The following SLC52A3 variants were observed in gnomAD, a reference collection of about 807,000 sequenced individuals.
SLC52A3 encodes solute carrier family 52 member 3.
In SLC52A3, 20 loss-of-function variants were observed where a neutral mutation model predicts 29.5. The ratio of observed to expected loss-of-function variants is 0.68; its 90% CI spans 0.48 to 0.99. The LOEUF is 0.99. SLC52A3 is among the 50% of genes least tolerant of loss of function. The pLI, the probability that SLC52A3 is intolerant of heterozygous loss-of-function variation, is 0.00. For synonymous variants in SLC52A3, 301 were observed against 271.0 expected, an observed-to-expected ratio of 1.11 and a Z score of -1.09; for missense variants, 548 against 612.9, an observed-to-expected ratio of 0.89 and a Z score of 1.12.
chr20:771,033 T>C (rs79306991), upstream of SLC52A3, among the ~76,000 whole-genome samples: 5,220 of 152,326 alleles, frequency 0.034, 168 homozygotes, highest in East Asian at 0.17. Flanking sequence ...GTTTTGCCTG[T>C]GTTGAACTGT....
In SLC52A3 at chr20:761,092, G is replaced by C; in HGVS notation, c.1344C>G (p.Phe448Leu). 5 of 1,609,256 alleles carry C rather than the reference G, an allele frequency of 3.1e-6. No individual in the cohort carries two copies. Among genetic ancestry groups the C allele is most frequent in the Non-Finnish European group, 4.2e-6 (5 of 1,178,462 alleles). The change falls in exon 5 of 5, where the codon TTC (phenylalanine) becomes TTG (leucine). Residue 448 changes from phenylalanine (F) to leucine (L), a missense_variant. Transcript: ENST00000645534. ...AGAGCCGCAGCACGTTGACCAGAGG[G>C]AACATGAGCAGCGCTCCGAGCAGCG... Reference protein sequence around the residue: ...LGSLLGALLMFPLVNVLRLFS... With the variant: ...LGSLLGALLMLPLVNVLRLFS...
intron 4 of SLC52A3, 123 bp downstream of exon 4, chr20:761,578 G>T: frequency 6.8e-7 from 1 of 1,464,590 alleles, no homozygotes. Flanking sequence ...TCCCCCACCT[G>T]GGGCTTCCCG....
rs1480160275 is a variant in SLC52A3 at position 760,470 on chromosome 20, C to G, written c.*556G>C. ...AGGGGCAAAGGAGAGAGGGCAGGGG[C>G]GTGTCTCAACCCTTCTGGCCACTTC... is the stretch of plus-strand genomic sequence containing the variant. On this transcript the variant is annotated 3_prime_UTR_variant, in exon 5 of 5. Transcript: ENST00000645534. This position sits in a 1 kb window ranked among gnomAD's most constrained non-coding sequence, Gnocchi z 4.9. The G allele has an allele frequency of 6.5e-6, 1 of 153,988 alleles. No homozygotes were observed. Among genetic ancestry groups the G allele is most frequent in the Non-Finnish European group, 1.4e-5 (1 of 69,230 alleles). The allele number at this position is 153,988 out of a possible 1,614,324, so 9.5% of individuals were successfully genotyped here. A position where few individuals can be genotyped will look rare whatever the true frequency, so the allele number is the denominator to read the frequency against.
At chr20:777,275 A>ACAAAC (rs58819464), upstream of SLC52A3, among the ~76,000 whole-genome samples, 2 of 149,070 alleles carry the variant, frequency 1.3e-5, no homozygotes, top group African/African-American at 4.9e-5. Context: ...CAAAAAACAA[A>ACAAAC]AAAAAAACAC....
Position 765,926 on chromosome 20 carries a change from G to C in SLC52A3, c.-51-101C>G. The C allele has an allele frequency of 1.4e-6, 1 of 697,080 alleles. No homozygotes were observed. The highest frequency in any genetic ancestry group is 2.4e-6 in the Non-Finnish European group (1 of 412,894). The allele number at this position is 697,080 out of a possible 1,614,324, so 43.2% of individuals were successfully genotyped here. On this transcript the variant is annotated intron_variant, in intron 1 of 4. Coordinates refer to ENST00000645534, the MANE Select transcript of SLC52A3 (RefSeq NM_033409.4). This position sits in a 1 kb window ranked among gnomAD's most constrained non-coding sequence, Gnocchi z 6.6. ...TTTCTCTTATTACTCCCCTTCCTGT[G>C]AACAAGCTGGCTTTTTTTTTTTTCC...
chr20:766,027 C>G (rs530876034), intron 1 of SLC52A3: 2 of 524,556 alleles, frequency 3.8e-6, no homozygotes, highest in South Asian at 2.2e-5. Flanking sequence ...CCCTCTGCCT[C>G]CTGGGCTCAA....
Position 765,472 on chromosome 20 carries a change from G to C in SLC52A3, c.303C>G (p.Asp101Glu), listed in dbSNP as rs137861276. Residue 101 changes from aspartate (D) to glutamate (E), a missense_variant, in exon 2 of 5, where the codon GAC becomes GAG. Physicochemically the swap from Asp to Glu is conservative, Grantham distance 45. This residue lies in a region of SLC52A3 where 375 missense variants were observed against 471.1 expected (regional missense o/e 0.80). Transcript: ENST00000645534. This position sits in a 1 kb window ranked among gnomAD's most constrained non-coding sequence, Gnocchi z 6.6. Reference protein sequence around the residue: ...FLWNMTSWVLDGHHSIAFLVL... With the variant: ...FLWNMTSWVLEGHHSIAFLVL... ...CCAAGAAGGCGATGCTGTGGTGGCCGTCCAGCACCCAGGAGGTCATATTCC... is the reference window on the plus strand; with the variant it reads ...CCAAGAAGGCGATGCTGTGGTGGCCCTCCAGCACCCAGGAGGTCATATTCC... 6 of 1,602,458 alleles carry C rather than the reference G, an allele frequency of 3.7e-6. No individual in the cohort carries two copies. Among genetic ancestry groups the C allele is most frequent in the Non-Finnish European group, 5.1e-6 (6 of 1,174,480 alleles).
chr20:761,010 G>A lies in SLC52A3; in HGVS notation c.*16C>T, dbSNP rs773797132. ...AGTTCCGTCCGTGAGCGATGGGGGC[G>A]GGGTCGGCGGCCTGCCTAGGCTGGA... On this transcript the variant is annotated 3_prime_UTR_variant, in exon 5 of 5. Transcript: ENST00000645534. 7 of 1,237,668 alleles carry A rather than the reference G, an allele frequency of 5.7e-6. No homozygotes were observed. The highest frequency in any genetic ancestry group is 7.5e-6 in the Non-Finnish European group (7 of 939,242). The allele number at this position is 1,237,668 out of a possible 1,614,324, so 76.7% of individuals were successfully genotyped here.
Position 765,861 on chromosome 20 carries a change from T to G in SLC52A3, c.-51-36A>C. The G allele has an allele frequency of 7.7e-7, 1 of 1,305,490 alleles. No homozygotes were observed. Among genetic ancestry groups the G allele is most frequent in the Non-Finnish European group, 1.1e-6 (1 of 920,414 alleles). 80.9% of individuals were successfully genotyped at this position (1,305,490 alleles called of 1,614,324 possible). A position where few individuals can be genotyped will look rare whatever the true frequency, so the allele number is the denominator to read the frequency against. On this transcript the variant is annotated intron_variant, in intron 1 of 4. Transcript: ENST00000645534. The surrounding 1 kb of genome is among the most constrained non-coding windows in gnomAD (Gnocchi z 6.6). ...AGGACACCAGGTGAGTAATTCCAGC[T>G]TCACCACCTAGCAAGATGCTGGGAC...
Position 765,255 on chromosome 20 carries a change from CTGA to C in SLC52A3, c.517_519del (p.Ser173del). On this transcript the variant is annotated inframe_deletion, in exon 2 of 5. Transcript: ENST00000645534. The surrounding 1 kb of genome is among the most constrained non-coding windows in gnomAD (Gnocchi z 6.6). ...GTGGGTACAGGGCTTGGTACGCTGT[CTGA>C]TATCTCAGTGACATTGACGCAGGTA... The C allele has an allele frequency of 6.2e-7, 1 of 1,614,154 alleles. No homozygotes were observed. The highest frequency in any genetic ancestry group is 1.1e-5 in the South Asian group (1 of 91,086).
upstream of SLC52A3, among the ~76,000 whole-genome samples, chr20:776,921 T>TG (rs35460195): frequency 0.7 from 104,976 of 149,972 alleles, 37,110 homozygotes; most frequent in East Asian, 0.8. Context: ...GGTGGAGCCA[T>TG]GGGTGTCAAA....
upstream of SLC52A3, among the ~76,000 whole-genome samples, chr20:769,657 G>A (rs994912401): frequency 6.6e-6 from 1 of 152,216 alleles, no homozygotes; most frequent in African/African-American, 2.4e-5. Context: ...AGCACTTTGG[G>A]AGGATGAGGC....
chr20:761,230 C>T lies in SLC52A3; in HGVS notation c.1206G>A (p.Ser402=). The T allele has an allele frequency of 6.4e-7, 1 of 1,550,500 alleles. No individual in the cohort carries two copies. Among genetic ancestry groups the T allele is most frequent in the East Asian group, 2.4e-5 (1 of 41,190 alleles). Residue 402 remains serine, a synonymous_variant, in exon 5 of 5, where the codon TCG becomes TCA. Transcript: ENST00000645534. ...TGAGGCAGCCGCTGAAAAGCACCCA[C>T]GAGGCCACCTGCGGGGCCGGGAGGG... ...HWGGEVLIVA[S]WVLFSGCLSY... is the part of the protein sequence containing the mutation.
At chr20:778,574 A>G (rs1382277068), upstream of SLC52A3, among the ~76,000 whole-genome samples, 2 of 152,196 alleles carry the variant, frequency 1.3e-5, no homozygotes, top group South Asian at 2.1e-4. Flanking sequence ...GAACCATGAA[A>G]GGTGGAGGGA....
Position 761,035 on chromosome 20 carries a change from A to G in SLC52A3, c.1401T>C (p.Cys467=). The G allele has an allele frequency of 1.2e-6, 2 of 1,605,858 alleles. No homozygotes were observed. The highest frequency in any genetic ancestry group is 1.7e-6 in the Non-Finnish European group (2 of 1,177,146). The stretch of plus-strand genomic sequence containing the variant: ...GGGGTCGGCGGCCTGCCTAGGCTGG[A>G]CAGTGCAGATTGCAGAAGTCCGCGG... ...FSSADFCNLH[C]PA The change falls in exon 5 of 5, where the codon TGT becomes TGC. Residue 467 remains cysteine, a synonymous_variant. Transcript: ENST00000645534.
rs1986444095 is a variant in SLC52A3 at position 761,029 on chromosome 20, G to C, written c.1407C>G (p.Ala469=). ...SADFCNLHCP[A] ...GGGGGCGGGGTCGGCGGCCTGCCTA[G>C]GCTGGACAGTGCAGATTGCAGAAGT... The change falls in exon 5 of 5, where the codon GCC becomes GCG. Residue 469 remains alanine (A), a synonymous_variant. Coordinates refer to ENST00000645534, the MANE Select transcript of SLC52A3 (RefSeq NM_033409.4). 4 of 1,603,730 alleles carry C rather than the reference G, an allele frequency of 2.5e-6. No homozygotes were observed. The highest frequency in any genetic ancestry group is 3.4e-6 in the Non-Finnish European group (4 of 1,176,202).
At chr20:775,296 AC>A (rs1986981322) in intron 1 of SLC52A3, among the ~76,000 whole-genome samples, 1 of 139,712 alleles carries the variant, frequency 7.2e-6, no homozygotes, top group Non-Finnish European at 1.5e-5. Context: ...TTTTTTTAAG[AC>A]AGGATGTCGC....
At chr20:779,839 G>T (rs6117619), upstream of SLC52A3, among the ~76,000 whole-genome samples, 2,786 of 152,276 alleles carry the variant, frequency 0.018, 74 homozygotes, top group African/African-American at 0.064. Flanking sequence ...AAAAGTAAAA[G>T]TTGCTAAAAG....
chr20:765,581 C>T lies in SLC52A3; in HGVS notation c.194G>A (p.Arg65Gln), dbSNP rs144337813. The T allele has an allele frequency of 3.7e-5, 59 of 1,585,760 alleles. No homozygotes were observed. Among genetic ancestry groups the T allele is most frequent in the Middle Eastern group, 1.7e-4 (1 of 6,022 alleles). Residue 65 changes from arginine (R) to glutamine (Q), a missense_variant, in exon 2 of 5, where the codon CGG becomes CAG. By Grantham distance (43) the Arg-to-Gln change is conservative (BLOSUM62 1). Around this residue, in one of 2 missense-constraint regions of SLC52A3, gnomAD observed 375 missense variants for 471.1 expected, o/e 0.80. Transcript: ENST00000645534. This position sits in a 1 kb window ranked among gnomAD's most constrained non-coding sequence, Gnocchi z 6.6. ...PLLVTLLHHFRPSCLSEVPII... is the reference protein window; with the variant it reads ...PLLVTLLHHFQPSCLSEVPII... ...GGGCACTTCGGAAAGGCAGCTGGGC[C>T]GGAAGTGATGGAGCAGGGTGACCAG...
Sources: gnomAD v4.1 joint callset for allele counts (sites outside exome capture counted in the v4.1 genomes callset) on GRCh38, gnomAD v4.1.1 for gene constraint, gnomAD v4.1.1 regional missense constraint, Gnocchi (gnomAD v3.1) non-coding constraint, MANE v1.5 for transcripts, NCBI Gene and HGNC (gene_info 2026-07-23, HGNC 2026-07-21) for gene names.